The following CAP2 variants were observed in gnomAD, a reference collection of about 807,000 sequenced individuals.
CAP2 encodes the protein cyclase associated actin cytoskeleton regulatory protein 2.
A neutral mutation model predicts 57.7 loss-of-function variants in CAP2; 24 were observed. The observed-to-expected ratio is 0.42, with a 90% confidence interval of 0.30 to 0.58. The LOEUF (loss-of-function observed/expected upper bound fraction) is 0.58. CAP2 is among the 20% of genes least tolerant of loss of function. The pLI is 0.22. For synonymous variants in CAP2, 194 were observed against 207.2 expected (o/e 0.94, Z 0.55); for missense variants, 501 against 590.3 (o/e 0.85, Z 1.57).
chr6:17,472,058 G>GCTCTCTTCACTACCAACACAAAA (rs1284993776), intron 4 of CAP2, among the ~76,000 whole-genome samples: 1 of 98,468 alleles, frequency 1.0e-5, no homozygotes, highest in East Asian at 5.0e-4. Context: ...GAATGGGCCG[G>GCTCTCTTCACTACCAACACAAAA]GCGCGGTGGC....
At chr6:17,450,051 C>A (rs1326295577) in intron 3 of CAP2, among the ~76,000 whole-genome samples, 1 of 151,536 alleles carries the variant, frequency 6.6e-6, no homozygotes, top group Non-Finnish European at 1.5e-5. Flanking sequence ...TTTATCAGTT[C>A]TACCTTTTTT....
chr6:17,483,542 G>A (rs575064636), intron 4 of CAP2, among the ~76,000 whole-genome samples: 1 of 152,282 alleles, frequency 6.6e-6, no homozygotes, highest in Admixed American at 6.5e-5. Context: ...GGACACAGTT[G>A]GACTGGGATT....
At chr6:17,491,760 T>A (rs1003493769) in intron 4 of CAP2, among the ~76,000 whole-genome samples, 1 of 152,216 alleles carries the variant, frequency 6.6e-6, no homozygotes, top group African/African-American at 2.4e-5. Context: ...GTTCCCTCAC[T>A]CATAAAACAG....
rs929252625 is a variant in CAP2 at position 17,429,151 on chromosome 6, T to C, written c.222+2461T>C. On this transcript the variant is annotated intron_variant, in intron 3 of 12. Transcript: ENST00000229922. Reference sequence around the variant, plus strand: ...GTGTTTTTGTTTACAAGAAACCTTGTATGCAGCAAGAGAGTGGCTGAGCCT... The same window carrying C: ...GTGTTTTTGTTTACAAGAAACCTTGCATGCAGCAAGAGAGTGGCTGAGCCT... Among the ~76,000 whole-genome samples, 11 of 152,316 alleles carry C rather than the reference T, an allele frequency of 7.2e-5. No individual in the cohort carries two copies. The East Asian group carries it at 1.4e-3, about 19-fold the overall frequency.
At chr6:17,424,912 A>G (rs1309113661) in intron 2 of CAP2, among the ~76,000 whole-genome samples, 1 of 152,236 alleles carries the variant, frequency 6.6e-6, no homozygotes, top group Non-Finnish European at 1.5e-5. Flanking sequence ...AGCAACAAAC[A>G]GGTTTATCTG....
At chr6:17,407,380 G>A (rs1561772052) in intron 1 of CAP2, among the ~76,000 whole-genome samples, 2 of 152,034 alleles carry the variant, frequency 1.3e-5, no homozygotes, top group East Asian at 1.9e-4. Flanking sequence ...TCGGGAGACC[G>A]AGTCAGGAGG....
At chr6:17,400,665 C>T (rs1383547294) in intron 1 of CAP2, among the ~76,000 whole-genome samples, 2 of 151,952 alleles carry the variant, frequency 1.3e-5, no homozygotes, top group African/African-American at 4.8e-5. Context: ...AGATCAAGAC[C>T]ATCCTAGCTA....
At chr6:17,450,034 A>G (rs1438558140) in intron 3 of CAP2, among the ~76,000 whole-genome samples, 2 of 152,076 alleles carry the variant, frequency 1.3e-5, no homozygotes, top group Non-Finnish European at 2.9e-5. Flanking sequence ...TTTGCAAAAG[A>G]AAACCATTTA....
chr6:17,500,393 G>A (rs1308039666), intron 4 of CAP2, among the ~76,000 whole-genome samples: 3 of 46,122 alleles, frequency 6.5e-5, no homozygotes, highest in African/African-American at 2.1e-4. Flanking sequence ...ATTTGGAGAC[G>A]GAGTCTTGCT....
intron 1 of CAP2, among the ~76,000 whole-genome samples, chr6:17,411,920 G>A (rs1325977761): frequency 6.6e-6 from 1 of 152,150 alleles, no homozygotes; most frequent in Non-Finnish European, 1.5e-5. Flanking sequence ...AACTGCATAG[G>A]TGCTTAGAAA....
At chr6:17,537,070 C>T (rs981528786) in intron 7 of CAP2, among the ~76,000 whole-genome samples, 14 of 152,092 alleles carry the variant, frequency 9.2e-5, no homozygotes, top group Non-Finnish European at 8.8e-5. Context: ...AGCCCTCCAG[C>T]CTGCAGGGTT....
At chr6:17,462,534 T>A (rs1760755440) in intron 3 of CAP2, among the ~76,000 whole-genome samples, 1 of 152,046 alleles carries the variant, frequency 6.6e-6, no homozygotes. Flanking sequence ...CCCATACCCA[T>A]TAGCAGTTCA....
chr6:17,518,110 G>GA (rs1470880663), intron 7 of CAP2, among the ~76,000 whole-genome samples: 1 of 152,018 alleles, frequency 6.6e-6, no homozygotes, highest in Non-Finnish European at 1.5e-5. Flanking sequence ...TAATGGAAGA[G>GA]AAAATGATAA....
intron 1 of CAP2, among the ~76,000 whole-genome samples, chr6:17,399,692 A>G (rs919377784): frequency 6.6e-5 from 10 of 152,208 alleles, no homozygotes; most frequent in Middle Eastern, 3.2e-3. Flanking sequence ...TACCTGATAC[A>G]TGGAGGAAGT....
intron 3 of CAP2, among the ~76,000 whole-genome samples, chr6:17,437,051 G>C (rs1233051614): frequency 6.6e-6 from 1 of 152,124 alleles, no homozygotes; most frequent in Non-Finnish European, 1.5e-5. Flanking sequence ...GGACTGTCTA[G>C]TTACAGGAAA....
At chr6:17,543,226 C>A in intron 11 of CAP2, 83 bp downstream of exon 11, 1 of 1,138,504 alleles carries the variant, frequency 8.8e-7, no homozygotes, top group Non-Finnish European at 1.3e-6. Flanking sequence ...TCCAACCACG[C>A]TGTAGTAAGC....
At chr6:17,491,014 A>G (rs949923345) in intron 4 of CAP2, among the ~76,000 whole-genome samples, 13 of 152,190 alleles carry the variant, frequency 8.5e-5, no homozygotes, top group African/African-American at 3.1e-4. Flanking sequence ...GTGTGCTACT[A>G]AAAGAAATCT....
rs1302503499 is a variant in CAP2 at position 17,522,417 on chromosome 6, G to T, written c.636+8463G>T. On this transcript the variant is annotated intron_variant, in intron 7 of 12. Coordinates refer to ENST00000229922, the MANE Select transcript of CAP2 (RefSeq NM_006366.3). ...TACAGTTCTTCCGTGAAGCAGCAGG[G>T]TTTTTATTATGATGCATAAATAAAT... 4.6e-5 allele frequency among the ~76,000 whole-genome samples: 7 copies of T among 152,128 alleles called. No homozygotes were observed. The East Asian group carries it at 1.2e-3, about 25-fold the overall frequency.
intron 1 of CAP2, among the ~76,000 whole-genome samples, chr6:17,413,407 C>T (rs1581496861): frequency 6.6e-6 from 1 of 152,118 alleles, no homozygotes; most frequent in Admixed American, 6.6e-5. Context: ...AAGGCGGGCA[C>T]CTTGGCAACG....
Sources: gnomAD v4.1 joint callset for allele counts (sites outside exome capture counted in the v4.1 genomes callset) on GRCh38, gnomAD v4.1.1 for gene constraint, MANE v1.5 for transcripts, NCBI Gene and HGNC (gene_info 2026-07-23, HGNC 2026-07-21) for gene names.